Variants in TMEFF2 observed in about 807,000 individuals in gnomAD.
TMEFF2 encodes tomoregulin-2.
Under a neutral mutation model 53.8 loss-of-function variants are expected in TMEFF2, and 28 were observed. The ratio of observed to expected loss-of-function variants is 0.52; its 90% CI spans 0.39 to 0.71. TMEFF2 has a LOEUF of 0.71. TMEFF2 is among the 30% of genes least tolerant of loss of function. The pLI is 0.00. For missense variants in TMEFF2, 353 were observed against 455.2 expected, an observed-to-expected ratio of 0.78 and a Z score of 2.04; for synonymous variants, 162 against 166.3, an observed-to-expected ratio of 0.97 and a Z score of 0.20.
chr2:191,973,075 TAAA>T (rs1196466300), intron 7 of TMEFF2, among the ~76,000 whole-genome samples: 5 of 151,742 alleles, frequency 3.3e-5, no homozygotes, highest in Admixed American at 2.6e-4. Flanking sequence ...GATGTAAATT[TAAA>T]GGCAAGATAA....
chr2:192,113,010 C>T (rs952873915), intron 4 of TMEFF2, among the ~76,000 whole-genome samples: 3 of 152,122 alleles, frequency 2.0e-5, no homozygotes, highest in African/African-American at 4.8e-5. Flanking sequence ...TTGTCTTTGT[C>T]AGCAGTGTGG....
At chr2:191,991,846 C>G (rs1215608990) in intron 7 of TMEFF2, among the ~76,000 whole-genome samples, 1 of 152,106 alleles carries the variant, frequency 6.6e-6, no homozygotes, top group East Asian at 1.9e-4. Flanking sequence ...AAATCTTCAT[C>G]TGTATTGGAA....
chr2:192,075,310 T>TATATATATATATATATAA (rs1688398585), intron 4 of TMEFF2, among the ~76,000 whole-genome samples: 11 of 74,900 alleles, frequency 1.5e-4, no homozygotes, highest in Admixed American at 3.3e-4. Context: ...TATATATATA[T>TATATATATATATATATAA]ATATATATAT....
chr2:192,060,134 C>T (rs1458982005), intron 4 of TMEFF2, among the ~76,000 whole-genome samples: 5 of 151,646 alleles, frequency 3.3e-5, no homozygotes, highest in Admixed American at 3.3e-4. Flanking sequence ...ATTCTGAATA[C>T]AGACTATCTC....
At chr2:192,186,472 C>A (rs1278696446) in intron 2 of TMEFF2, among the ~76,000 whole-genome samples, 2 of 152,108 alleles carry the variant, frequency 1.3e-5, no homozygotes, top group African/African-American at 4.8e-5. Flanking sequence ...TGATCAGAAC[C>A]AGGGACAGGA....
chr2:192,075,039 A>C (rs566156861), intron 4 of TMEFF2, among the ~76,000 whole-genome samples: 1 of 151,518 alleles, frequency 6.6e-6, no homozygotes, highest in Admixed American at 6.6e-5. Flanking sequence ...CAAGAGCTCA[A>C]ACAAAGCTGT....
At chr2:192,180,737 A>G (rs10168598) in intron 3 of TMEFF2, among the ~76,000 whole-genome samples, 130,641 of 151,492 alleles carry the variant, frequency 0.86, 56,543 homozygotes, top group East Asian at 1. Flanking sequence ...AACACCACAT[A>G]GAAAGAGGCA....
intron 4 of TMEFF2, among the ~76,000 whole-genome samples, chr2:192,073,490 A>G (rs1444692627): frequency 2.0e-5 from 3 of 151,814 alleles, no homozygotes; most frequent in Non-Finnish European, 4.4e-5. Flanking sequence ...ACTATATATC[A>G]TCAGCAGCCC....
chr2:192,090,691 C>T (rs1043680600), intron 4 of TMEFF2, among the ~76,000 whole-genome samples: 4 of 152,088 alleles, frequency 2.6e-5, no homozygotes, highest in African/African-American at 9.7e-5. Flanking sequence ...CAGGATGCAA[C>T]TCAGATGTAG....
intron 5 of TMEFF2, among the ~76,000 whole-genome samples, chr2:192,001,338 G>A (rs1226729813): frequency 1.3e-5 from 2 of 151,722 alleles, no homozygotes; most frequent in Non-Finnish European, 2.9e-5. Context: ...ATTTAGAAAT[G>A]TACACTATAT....
At chr2:192,058,964 C>T (rs1687980536) in intron 4 of TMEFF2, among the ~76,000 whole-genome samples, 1 of 147,936 alleles carries the variant, frequency 6.8e-6, no homozygotes, top group South Asian at 2.2e-4. Flanking sequence ...GTTATTTTCT[C>T]TTCATTTCTT....
At chr2:192,046,767 C>T (rs1687632215) in intron 5 of TMEFF2, among the ~76,000 whole-genome samples, 1 of 152,140 alleles carries the variant, frequency 6.6e-6, no homozygotes, top group African/African-American at 2.4e-5. Context: ...AATCAACATA[C>T]TTTCTGGGGA....
intron 5 of TMEFF2, among the ~76,000 whole-genome samples, chr2:192,049,769 A>G (rs984834150): frequency 6.6e-6 from 1 of 152,174 alleles, no homozygotes; most frequent in Non-Finnish European, 1.5e-5. Flanking sequence ...TGGGAGGCTG[A>G]GGCGGGAGGA....
At chr2:192,010,617 G>C (rs531317279) in intron 5 of TMEFF2, among the ~76,000 whole-genome samples, 1 of 152,024 alleles carries the variant, frequency 6.6e-6, no homozygotes, top group African/African-American at 2.4e-5. Flanking sequence ...GCACCTACTT[G>C]GTACCAGGTA....
intron 2 of TMEFF2, among the ~76,000 whole-genome samples, chr2:192,191,030 G>T (rs1691448856): frequency 6.6e-6 from 1 of 152,176 alleles, no homozygotes; most frequent in African/African-American, 2.4e-5. Flanking sequence ...GCAAATATAG[G>T]CTATTAGTAC....
At chr2:192,079,746 C>T (rs1688510763) in intron 4 of TMEFF2, among the ~76,000 whole-genome samples, 1 of 152,040 alleles carries the variant, frequency 6.6e-6, no homozygotes, top group Non-Finnish European at 1.5e-5. Context: ...TGCTTACTGG[C>T]TTTTTAAGAT....
At chr2:192,021,511 C>G (rs972269988) in intron 5 of TMEFF2, among the ~76,000 whole-genome samples, 1 of 151,874 alleles carries the variant, frequency 6.6e-6, no homozygotes, top group African/African-American at 2.4e-5. Context: ...ATGTGTGGGC[C>G]CCAAACTGAA....
chr2:192,037,335 A>AAGAAAGAAAGAAAGAAAGAAAGAC (rs1687340283), intron 5 of TMEFF2, among the ~76,000 whole-genome samples: 1 of 150,420 alleles, frequency 6.6e-6, no homozygotes. Flanking sequence ...GAAAGAAAGA[A>AAGAAAGAAAGAAAGAAAGAAAGAC]AAACAGAAAA....
chr2:192,075,332 T>TATATATATACACAC lies in TMEFF2; in HGVS notation c.440-17558_440-17557insGTGTGTATATATAT, dbSNP rs796267672. On this transcript the variant is annotated intron_variant, in intron 4 of 9. Coordinates refer to ENST00000272771, the MANE Select transcript of TMEFF2 (RefSeq NM_016192.4). ...ATATATATATATATATATATATATA[T>TATATATATACACAC]ACATACATACTATGTATATCCTTGC... Among the ~76,000 whole-genome samples, 193 of 88,102 alleles carry TATATATATACACAC rather than the reference T, an allele frequency of 2.2e-3. 7 individuals carry two copies. Among genetic ancestry groups the TATATATATACACAC allele is most frequent in the East Asian group, 5.2e-3 (7 of 1,356 alleles). 57.8% of individuals were successfully genotyped at this position (88,102 alleles called of 152,430 possible). A position where few individuals can be genotyped will look rare whatever the true frequency, so the allele number is the denominator to read the frequency against.
Sources: gnomAD v4.1 joint callset for allele counts (sites outside exome capture counted in the v4.1 genomes callset) on GRCh38, gnomAD v4.1.1 for gene constraint, MANE v1.5 for transcripts, NCBI Gene and HGNC (gene_info 2026-07-23, HGNC 2026-07-21) for gene names.